FER: variants seen among roughly 807,000 people sequenced by gnomAD.
FER encodes the protein tyrosine-protein kinase Fer.
A neutral mutation model predicts 111.0 loss-of-function variants in FER; 63 were observed. The ratio of observed to expected loss-of-function variants is 0.57; its 90% confidence interval spans 0.46 to 0.70. FER has a LOEUF of 0.70. Ranked by LOEUF, FER falls within the 30% of genes least tolerant of loss-of-function variation. The probability of loss-of-function intolerance (pLI) is 0.00; values close to 1 mark genes in which losing one functional copy is unlikely to be tolerated. For missense variants in FER, 914 were observed against 954.0 expected (o/e 0.96, Z 0.55); for synonymous variants, 327 against 313.9 (o/e 1.04, Z -0.44).
intron 16 of FER, among the ~76,000 whole-genome samples, chr5:109,076,366 CTT>C (rs1776340761): frequency 6.6e-6 from 1 of 152,124 alleles, no homozygotes; most frequent in South Asian, 2.1e-4. Context: ...TTTTGAATGA[CTT>C]CCTTGCCCAC....
intron 3 of FER, among the ~76,000 whole-genome samples, chr5:108,817,194 G>A (rs569223270): frequency 4.9e-5 from 7 of 142,322 alleles, no homozygotes; most frequent in East Asian, 2.4e-4. Context: ...CAGGGAAACC[G>A]TGAAGCTTTG....
chr5:108,794,161 G>T (rs539635807), intron 2 of FER, among the ~76,000 whole-genome samples: 25 of 150,510 alleles, frequency 1.7e-4, no homozygotes, highest in African/African-American at 5.6e-4. Context: ...ATTCGTTACT[G>T]CTCATTAATG....
Position 108,835,822 on chromosome 5 carries a change from T to A in FER, c.481+15T>A, listed in dbSNP as rs770494909. 1.0e-5 allele frequency: 15 copies of A among 1,442,290 alleles called. No individual in the cohort carries two copies. In the Admixed American group the frequency reaches 3.4e-4, roughly 33 times the overall value. 89.3% of individuals were successfully genotyped at this position (1,442,290 alleles called of 1,614,324 possible). A position where few individuals can be genotyped will look rare whatever the true frequency, so the allele number is the denominator to read the frequency against. On this transcript the variant is annotated intron_variant, in intron 5 of 19. Transcript: ENST00000281092. ...TTTAGCTAAAGGTAAGGCAAAATTTTAAAAATTGTTTACTTAGGTGATTTT... is the reference window on the plus strand; with the variant it reads ...TTTAGCTAAAGGTAAGGCAAAATTTAAAAAATTGTTTACTTAGGTGATTTT...
chr5:108,761,422 T>C (rs1156943796), intron 1 of FER, among the ~76,000 whole-genome samples: 1 of 152,106 alleles, frequency 6.6e-6, no homozygotes, highest in East Asian at 1.9e-4. Flanking sequence ...GAATGGCTGG[T>C]CAGTAGAGCA....
chr5:108,874,336 A>G (rs1764882074), intron 8 of FER, among the ~76,000 whole-genome samples: 2 of 152,146 alleles, frequency 1.3e-5, no homozygotes, highest in African/African-American at 4.8e-5. Context: ...TATAGTGATG[A>G]AGCAGTAAAC....
intron 2 of FER, among the ~76,000 whole-genome samples, chr5:108,779,604 A>G (rs370175774): frequency 2.0e-5 from 3 of 152,292 alleles, no homozygotes; most frequent in African/African-American, 7.2e-5. Flanking sequence ...CATTGCTGGT[A>G]TGTAGGAAAG....
intron 10 of FER, among the ~76,000 whole-genome samples, chr5:108,937,076 G>A (rs1366351693): frequency 1.3e-5 from 2 of 151,926 alleles, no homozygotes; most frequent in Non-Finnish European, 2.9e-5. Flanking sequence ...AATAGTTCAA[G>A]TAAATATATT....
At chr5:108,771,252 G>T (rs188507423) in intron 2 of FER, among the ~76,000 whole-genome samples, 1 of 152,212 alleles carries the variant, frequency 6.6e-6, no homozygotes, top group East Asian at 1.9e-4. Context: ...GAATTTTTAA[G>T]ATGTTTTCTC....
intron 16 of FER, among the ~76,000 whole-genome samples, chr5:109,070,677 T>C (rs1435451829): frequency 1.3e-5 from 2 of 151,984 alleles, no homozygotes; most frequent in Non-Finnish European, 1.5e-5. Flanking sequence ...GACTCAATAC[T>C]TGGGAAAAGA....
chr5:109,052,910 G>T (rs556356194), intron 16 of FER, among the ~76,000 whole-genome samples: 1 of 152,244 alleles, frequency 6.6e-6, no homozygotes, highest in African/African-American at 2.4e-5. Context: ...TTCATATTCA[G>T]TTACATTAAG....
intron 10 of FER, among the ~76,000 whole-genome samples, chr5:108,943,760 G>T (rs1262693365): frequency 4.6e-5 from 7 of 151,872 alleles, no homozygotes; most frequent in Non-Finnish European, 7.4e-5. Flanking sequence ...TTGAGACAGG[G>T]TCTTGCTCTG....
rs559952045 is a variant in FER at position 109,153,219 on chromosome 5, A to T, written c.2049-27528A>T. 2.6e-5 allele frequency among the ~76,000 whole-genome samples: 4 copies of T among 151,336 alleles called. No individual in the cohort carries two copies. In the South Asian group the frequency reaches 8.5e-4, roughly 32 times the overall value. ...ACCAGGATTTTATGGTAAAAAAAAAAAAATCAATTTGGACACTCATTTGAG... is the reference window on the plus strand; with the variant it reads ...ACCAGGATTTTATGGTAAAAAAAAATAAATCAATTTGGACACTCATTTGAG... On this transcript the variant is annotated intron_variant, in intron 17 of 19. Transcript: ENST00000281092.
At chr5:108,771,592 G>GT (rs1752908119) in intron 2 of FER, among the ~76,000 whole-genome samples, 1 of 152,048 alleles carries the variant, frequency 6.6e-6, no homozygotes, top group African/African-American at 2.4e-5. Flanking sequence ...CATGCTTTCT[G>GT]TATTTCTCTC....
chr5:109,006,030 G>A (rs567660550), intron 13 of FER, among the ~76,000 whole-genome samples: 1 of 152,160 alleles, frequency 6.6e-6, no homozygotes, highest in South Asian at 2.1e-4. Flanking sequence ...TATACTATAG[G>A]AACATATCAT....
chr5:108,996,340 C>T (rs187027636), intron 13 of FER, among the ~76,000 whole-genome samples: 28 of 152,268 alleles, frequency 1.8e-4, no homozygotes, highest in Admixed American at 5.2e-4. Flanking sequence ...TTTGCCCATG[C>T]CCATGTCCTG....
chr5:109,144,562 C>T (rs751454937), intron 17 of FER, among the ~76,000 whole-genome samples: 20 of 152,260 alleles, frequency 1.3e-4, no homozygotes, highest in Non-Finnish European at 2.9e-4. Flanking sequence ...TCATTCCGAT[C>T]TTTAAAAGTG....
chr5:108,869,954 A>G (rs1764447877), intron 6 of FER, among the ~76,000 whole-genome samples: 1 of 152,176 alleles, frequency 6.6e-6, no homozygotes, highest in South Asian at 2.1e-4. Context: ...TAGTGTTGAT[A>G]AAATAGTGAA....
At chr5:109,172,331 T>G (rs943575010) in intron 17 of FER, among the ~76,000 whole-genome samples, 4 of 151,672 alleles carry the variant, frequency 2.6e-5, no homozygotes, top group African/African-American at 9.7e-5. Flanking sequence ...CATGTCCTTT[T>G]TAGGGACATG....
At chr5:108,829,379 TGTAATCC>T (rs1218686006) in intron 3 of FER, among the ~76,000 whole-genome samples, 2 of 152,222 alleles carry the variant, frequency 1.3e-5, no homozygotes, top group Non-Finnish European at 2.9e-5. Flanking sequence ...GGCTCACACC[TGTAATCC>T]CAGCACTTTG....
Sources: gnomAD v4.1 joint callset for allele counts (sites outside exome capture counted in the v4.1 genomes callset) on GRCh38, gnomAD v4.1.1 for gene constraint, MANE v1.5 for transcripts, NCBI Gene and HGNC (gene_info 2026-07-23, HGNC 2026-07-21) for gene names.